The following PCDHGA11 variants were observed in gnomAD, a reference collection of about 807,000 sequenced individuals.
PCDHGA11 encodes protocadherin gamma-A11.
A neutral mutation model predicts 60.4 loss-of-function variants in PCDHGA11; 39 were observed. The observed-to-expected ratio is 0.65, with a 90% confidence interval of 0.50 to 0.84. The LOEUF is 0.84. PCDHGA11 is among the 40% of genes least tolerant of loss of function. The pLI, the probability that PCDHGA11 is intolerant of heterozygous loss-of-function variation, is 0.00. For missense variants in PCDHGA11, 1,165 were observed against 1,197.7 expected (o/e 0.97, Z 0.40); for synonymous variants, 533 against 510.3 (o/e 1.04, Z -0.60).
rs148675327 is a variant in PCDHGA11 at position 141,477,019 on chromosome 5, C to A, written c.2434-17788C>A. On this transcript the variant is annotated intron_variant, in intron 1 of 3. Coordinates refer to ENST00000398587, the MANE Select transcript of PCDHGA11 (RefSeq NM_018914.3). The surrounding 1 kb of genome is among the most constrained non-coding windows in gnomAD (Gnocchi z 4.9). ...AACTATTCGCCTTAGACCTTGTAAC[C>A]GGGATGCTGACAATCAAGGGTCGGC... The A allele has an allele frequency of 1.7e-5, 28 of 1,614,124 alleles. No individual in the cohort carries two copies. The African/African-American group carries it at 2.5e-4, about 15-fold the overall frequency.
At chr5:141,475,657 C>T (rs2099366732) in intron 1 of PCDHGA11, among the ~76,000 whole-genome samples, 1 of 152,204 alleles carries the variant, frequency 6.6e-6, no homozygotes, top group Non-Finnish European at 1.5e-5. Flanking sequence ...GAAAGTGATT[C>T]AAATGTTTAA....
At chr5:141,510,627 G>C (rs2099881988) in intron 3 of PCDHGA11, among the ~76,000 whole-genome samples, 2 of 152,090 alleles carry the variant, frequency 1.3e-5, no homozygotes, top group South Asian at 2.1e-4. Context: ...AACCAGAAGA[G>C]GTGGTTACCA....
intron 1 of PCDHGA11, among the ~76,000 whole-genome samples, chr5:141,448,214 G>A (rs2098576063): frequency 6.6e-6 from 1 of 152,092 alleles, no homozygotes; most frequent in Non-Finnish European, 1.5e-5. Context: ...CTGTGTGTAT[G>A]CGAATGTATG....
At chr5:141,462,503 A>G (rs1338834436) in intron 1 of PCDHGA11, among the ~76,000 whole-genome samples, 1 of 152,060 alleles carries the variant, frequency 6.6e-6, no homozygotes, top group East Asian at 1.9e-4. Context: ...ATAATTGTCA[A>G]CTAGATCAAG....
intron 1 of PCDHGA11, among the ~76,000 whole-genome samples, chr5:141,462,382 C>T (rs80320684): frequency 0.016 from 2,433 of 152,148 alleles, 70 homozygotes; most frequent in African/African-American, 0.055. Flanking sequence ...CTTTTAAATT[C>T]GTTAACATTT....
In PCDHGA11 at chr5:141,490,175, A is replaced by C; in HGVS notation, c.2434-4632A>C. The C allele has an allele frequency of 1.9e-6, 3 of 1,614,194 alleles. No homozygotes were observed. Among genetic ancestry groups the C allele is most frequent in the East Asian group, 4.5e-5 (2 of 44,884 alleles). On this transcript the variant is annotated intron_variant, in intron 1 of 3. Coordinates refer to ENST00000398587, the MANE Select transcript of PCDHGA11 (RefSeq NM_018914.3). This position sits in a 1 kb window ranked among gnomAD's most constrained non-coding sequence, Gnocchi z 5.4. ...GTGTTGGGTCCCATAGACTTTGAGG[A>C]GTCACGTTTCTATGAAATTCATGCA...
intron 1 of PCDHGA11, among the ~76,000 whole-genome samples, chr5:141,467,055 C>CTTTTTTTTTTTTTTTTTTT (rs1193465269): frequency 7.4e-6 from 1 of 134,498 alleles, no homozygotes; most frequent in Non-Finnish European, 1.6e-5. Context: ...TCAATGTTTT[C>CTTTTTTTTTTTTTTTTTTT]TTTTTTTTTT....
In PCDHGA11 at chr5:141,431,059, C is replaced by G. The variant is rs367774626; in HGVS notation, c.2433+7399C>G. ...GGGAGGAGCTCTGTATGGGGGCCAT[C>G]AAGTGTCAATTAAATCTAGACATTC... On this transcript the variant is annotated intron_variant, in intron 1 of 3. Coordinates refer to ENST00000398587, the MANE Select transcript of PCDHGA11 (RefSeq NM_018914.3). This position sits in a 1 kb window ranked among gnomAD's most constrained non-coding sequence, Gnocchi z 4.8. 1 of 1,614,136 alleles carries G rather than the reference C, an allele frequency of 6.2e-7. No individual in the cohort carries two copies.
rs748692494 is a variant in PCDHGA11 at position 141,422,646 on chromosome 5, C to T, written c.1419C>T (p.Phe473=). The T allele has an allele frequency of 5.0e-6, 8 of 1,611,836 alleles. No individual in the cohort carries two copies. Among genetic ancestry groups the T allele is most frequent in the Non-Finnish European group, 6.8e-6 (8 of 1,178,830 alleles). ...PENNPRGASI[F]SVTALDPDSK... ...ACAACCCCAGGGGTGCCTCCATCTTCTCAGTGACCGCCCTCGACCCGGACA... is the reference window on the plus strand; with the variant it reads ...ACAACCCCAGGGGTGCCTCCATCTTTTCAGTGACCGCCCTCGACCCGGACA... Residue 473 remains phenylalanine (F), a synonymous_variant, in exon 1 of 4, where the codon TTC becomes TTT. Coordinates refer to ENST00000398587, the MANE Select transcript of PCDHGA11 (RefSeq NM_018914.3).
intron 2 of PCDHGA11, among the ~76,000 whole-genome samples, chr5:141,499,352 CA>C (rs2099791418): frequency 6.6e-6 from 1 of 152,058 alleles, no homozygotes; most frequent in South Asian, 2.1e-4. Context: ...AGTCATTCAA[CA>C]AACAAATAGC....
intron 1 of PCDHGA11, among the ~76,000 whole-genome samples, chr5:141,481,789 T>TAAAAATAC (rs972511310): frequency 3.3e-5 from 5 of 151,186 alleles, no homozygotes; most frequent in African/African-American, 1.2e-4. Flanking sequence ...CCGTCTCTAC[T>TAAAAATAC]AAAAATACAA....
At chr5:141,448,247 A>G (rs1449158776) in intron 1 of PCDHGA11, among the ~76,000 whole-genome samples, 1 of 152,104 alleles carries the variant, frequency 6.6e-6, no homozygotes, top group Non-Finnish European at 1.5e-5. Flanking sequence ...TTTGCACAAC[A>G]GGATCATTTT....
chr5:141,429,760 C>A (rs1036499079), intron 1 of PCDHGA11, among the ~76,000 whole-genome samples: 1 of 152,020 alleles, frequency 6.6e-6, no homozygotes, highest in Non-Finnish European at 1.5e-5. Flanking sequence ...AATTTTTTCC[C>A]TATATTTTGA....
At chr5:141,482,673 G>A (rs1278135239) in intron 1 of PCDHGA11, among the ~76,000 whole-genome samples, 1 of 152,156 alleles carries the variant, frequency 6.6e-6, no homozygotes, top group Non-Finnish European at 1.5e-5. Context: ...TAAAGGTTGA[G>A]TAGTAGCTTG....
chr5:141,430,395 A>C (rs1461176471), intron 1 of PCDHGA11, among the ~76,000 whole-genome samples: 1 of 152,096 alleles, frequency 6.6e-6, no homozygotes, highest in Non-Finnish European at 1.5e-5. Context: ...AAAAAAAAAA[A>C]AGCTCACTAA....
At chr5:141,436,327 C>T (rs1384222077) in intron 1 of PCDHGA11, among the ~76,000 whole-genome samples, 1 of 152,098 alleles carries the variant, frequency 6.6e-6, no homozygotes, top group Admixed American at 6.5e-5. Flanking sequence ...ACTGTTAGAC[C>T]ATATCTCAAA....
chr5:141,458,698 T>C (rs1258294275), intron 1 of PCDHGA11, among the ~76,000 whole-genome samples: 1 of 152,054 alleles, frequency 6.6e-6, no homozygotes, highest in East Asian at 1.9e-4. Context: ...GCCTCCCGAG[T>C]AGCTGGGATT....
Position 141,421,253 on chromosome 5 carries a change from A to G in PCDHGA11, c.26A>G (p.Asp9Gly). 6.2e-7 allele frequency: 1 copy of G among 1,607,298 alleles called. No homozygotes were observed. The highest frequency in any genetic ancestry group is 1.1e-5 in the South Asian group (1 of 90,406). Residue 9 changes from aspartate to glycine, a missense_variant, in exon 1 of 4, where the codon GAC becomes GGC. Physicochemically the swap from Asp to Gly is moderately conservative, Grantham distance 94. Transcript: ENST00000398587. MANRLQRG[D>G]RSRLLLLLCI... The stretch of plus-strand genomic sequence containing the variant: ...ATGGCGAATCGGCTACAGCGCGGGG[A>G]CCGCAGTCGGCTGCTGCTGCTGCTG...
rs548074156 is a variant in PCDHGA11 at position 141,511,069 on chromosome 5, G to A, written c.2704G>A (p.Gly902Ser). The A allele has an allele frequency of 6.2e-7, 1 of 1,614,230 alleles. No individual in the cohort carries two copies. Among genetic ancestry groups the A allele is most frequent in the Non-Finnish European group, 8.5e-7 (1 of 1,180,034 alleles). ...CTACCGCCAGAATGTCTACATCCCA[G>A]GCAGCAATGCCACACTGACCAACGC... ...PDYRQNVYIP[G>S]SNATLTNAAG... The change falls in exon 4 of 4, where the codon GGC becomes AGC. Residue 902 changes from glycine (G) to serine (S), a missense_variant. Physicochemically the swap from Gly to Ser is moderately conservative, Grantham distance 56 (BLOSUM62 0). Transcript: ENST00000398587.
Sources: allele counts gnomAD v4.1 joint callset (sites outside exome capture counted in the v4.1 genomes callset), GRCh38; gene constraint gnomAD v4.1.1; non-coding constraint Gnocchi (gnomAD v3.1); transcripts MANE v1.5; gene names NCBI Gene and HGNC (gene_info 2026-07-23, HGNC 2026-07-21).